DIAPH2: variants seen among roughly 807,000 people sequenced by gnomAD.
The protein encoded by DIAPH2 is protein diaphanous homolog 2.
DIAPH2 carries 35 observed loss-of-function variants against 92.7 expected under a neutral mutation model. That is an observed-to-expected ratio of 0.38 (90% confidence interval 0.29 to 0.50). The LOEUF is 0.50. DIAPH2 is among the 20% of genes least tolerant of loss of function. The pLI is 0.94. For missense variants in DIAPH2, 701 were observed against 819.5 expected, an observed-to-expected ratio of 0.86 and a Z score of 1.77; for synonymous variants, 301 against 280.4, an observed-to-expected ratio of 1.07 and a Z score of -0.73.
At chrX:97,023,444 A>G (rs1171731016) in intron 17 of DIAPH2, among the ~76,000 whole-genome samples, 2 of 111,639 alleles carry the variant, frequency 1.8e-5, no homozygotes, top group Non-Finnish European at 3.8e-5. Flanking sequence ...ACTAATTCTA[A>G]CAGTAACCCA....
chrX:96,739,600 C>T (rs2064107236), intron 3 of DIAPH2, among the ~76,000 whole-genome samples: 1 of 111,788 alleles, frequency 8.9e-6, no homozygotes, highest in South Asian at 3.8e-4. Flanking sequence ...CTGCTACCCT[C>T]ATGTTTATTT....
intron 16 of DIAPH2, among the ~76,000 whole-genome samples, chrX:96,962,292 TATATATACATATATATATAC>T (rs1170956363): frequency 2.2e-4 from 13 of 59,535 alleles, no homozygotes; most frequent in African/African-American, 7.1e-4. Flanking sequence ...TATACATATA[TATATATACATATATATATAC>T]ATATATATAT....
At chrX:97,116,423 T>C (rs929479779) in intron 21 of DIAPH2, among the ~76,000 whole-genome samples, 1 of 112,062 alleles carries the variant, frequency 8.9e-6, no homozygotes, top group African/African-American at 3.2e-5. Context: ...TGTAAAATCA[T>C]TTCATAATGC....
At chrX:96,962,863 G>T (rs983739818) in intron 16 of DIAPH2, among the ~76,000 whole-genome samples, 2 of 110,556 alleles carry the variant, frequency 1.8e-5, no homozygotes, top group African/African-American at 6.6e-5. Context: ...GTTTATCCAT[G>T]TGGTTTAGTA....
chrX:97,267,684 C>T (rs994262544), intron 23 of DIAPH2, among the ~76,000 whole-genome samples: 3 of 111,885 alleles, frequency 2.7e-5, no homozygotes, highest in Admixed American at 9.5e-5. Context: ...TAAGGACTTG[C>T]TTTCACTAAG....
At chrX:96,711,030 A>G (rs1023474904) in intron 1 of DIAPH2, among the ~76,000 whole-genome samples, 3 of 112,006 alleles carry the variant, frequency 2.7e-5, no homozygotes, top group Non-Finnish European at 3.8e-5. Context: ...ATTCCTTTTT[A>G]TGGCTGAGTA....
intron 26 of DIAPH2, among the ~76,000 whole-genome samples, chrX:97,487,408 G>A (rs1280063347): frequency 1.8e-5 from 2 of 111,160 alleles, no homozygotes; most frequent in African/African-American, 6.6e-5. Flanking sequence ...CTGAGTAGCT[G>A]GGATTACAGG....
intron 26 of DIAPH2, among the ~76,000 whole-genome samples, chrX:97,523,228 T>A (rs766118024): frequency 2.7e-5 from 3 of 111,744 alleles, no homozygotes; most frequent in African/African-American, 9.7e-5. Context: ...TGCATCTCCA[T>A]ACCTCCCTCC....
intron 21 of DIAPH2, among the ~76,000 whole-genome samples, chrX:97,120,218 C>T (rs777654359): frequency 2.7e-5 from 3 of 110,972 alleles, no homozygotes; most frequent in African/African-American, 9.8e-5. Flanking sequence ...CAGGGCCTTT[C>T]CTGCTGCTTC....
At chrX:97,406,817 G>A (rs2069815016) in intron 25 of DIAPH2, among the ~76,000 whole-genome samples, 1 of 111,496 alleles carries the variant, frequency 9.0e-6, no homozygotes, top group Non-Finnish European at 1.9e-5. Context: ...GTTTAGGTGA[G>A]CAACTCATAA....
chrX:96,685,743 A>C (rs2063767695), intron 1 of DIAPH2, among the ~76,000 whole-genome samples: 1 of 111,638 alleles, frequency 9.0e-6, no homozygotes, highest in East Asian at 2.8e-4. Context: ...GCCTCTCTCC[A>C]TGTGCTCTCC....
rs1329507732 is a variant in DIAPH2, at chrX:97,202,489, CAAAAAAA to C, written c.2720-45225_2720-45219del. Among the ~76,000 whole-genome samples the C allele has an allele frequency of 2.5e-4, 27 of 110,026 alleles. 1 individual carries two copies. Among genetic ancestry groups the C allele is most frequent in the African/African-American group, 8.6e-4 (26 of 30,267 alleles). ...GAGTATTTACCAAGTAAATGGAAAGCAAAAAAATAAAAAATAAAAAATAAATAGCAGG... is the reference window on the plus strand; with the variant it reads ...GAGTATTTACCAAGTAAATGGAAAGCTAAAAAATAAAAAATAAATAGCAGG... On this transcript the variant is annotated intron_variant, in intron 22 of 26. Coordinates refer to ENST00000324765, the MANE Select transcript of DIAPH2 (RefSeq NM_006729.5).
At chrX:97,227,690 AT>A (rs1261467215) in intron 22 of DIAPH2, among the ~76,000 whole-genome samples, 5 of 112,187 alleles carry the variant, frequency 4.5e-5, no homozygotes, top group African/African-American at 1.6e-4. Flanking sequence ...CATAAGTCTT[AT>A]AAAGTCAGAG....
At position 97,335,266 on chromosome X, in the gene DIAPH2, C is replaced by T. The variant is rs371518589; in HGVS notation, c.2845-12850C>T. ...TAAACATTAGTTTCTGCTACTGAGG[C>T]TCTGCTGTTACTTATCGTCTCCTAA... is the stretch of plus-strand genomic sequence containing the variant. On this transcript the variant is annotated intron_variant, in intron 23 of 26. Transcript: ENST00000324765. Among the ~76,000 whole-genome samples the T allele has an allele frequency of 7.2e-5, 8 of 111,750 alleles. No individual in the cohort carries two copies. In the East Asian group the frequency reaches 2.2e-3, roughly 31 times the overall value.
intron 23 of DIAPH2, among the ~76,000 whole-genome samples, chrX:97,278,932 G>A (rs1164284162): frequency 4.5e-5 from 5 of 112,331 alleles, no homozygotes; most frequent in Admixed American, 9.5e-5. Context: ...AGCTTACTGC[G>A]TGCCTTTAAC....
intron 17 of DIAPH2, among the ~76,000 whole-genome samples, chrX:97,061,578 G>A (rs1210366492): frequency 9.1e-6 from 1 of 110,452 alleles, no homozygotes; most frequent in Non-Finnish European, 1.9e-5. Context: ...GGAGGCTGAG[G>A]CAGGTGGATC....
chrX:97,066,189 C>G (rs901861940), intron 17 of DIAPH2, among the ~76,000 whole-genome samples: 1 of 112,281 alleles, frequency 8.9e-6, no homozygotes, highest in South Asian at 3.7e-4. Flanking sequence ...CACTTACTCA[C>G]TGACTCACCC....
intron 4 of DIAPH2, among the ~76,000 whole-genome samples, chrX:96,859,648 TA>T (rs2065061114): frequency 1.0e-4 from 11 of 108,254 alleles, no homozygotes; most frequent in Admixed American, 8.0e-4. Flanking sequence ...TTTATTTATT[TA>T]TTTATTTTTT....
In DIAPH2 at chrX:97,488,245, G is replaced by A. The variant is rs990306113; in HGVS notation, c.3241+58500G>A. Reference sequence around the variant, plus strand: ...CAACCTCAGGTGATCTGCCTGCCTCGGCCTCCCAAAGTGCTGAAATTACAG... The same window carrying A: ...CAACCTCAGGTGATCTGCCTGCCTCAGCCTCCCAAAGTGCTGAAATTACAG... On this transcript the variant is annotated intron_variant, in intron 26 of 26. Transcript: ENST00000324765. 2.5e-4 allele frequency among the ~76,000 whole-genome samples: 28 copies of A among 111,754 alleles called. 1 individual carries two copies. The highest frequency in any genetic ancestry group is 3.8e-5 in the Non-Finnish European group (2 of 53,136).
Sources: allele counts gnomAD v4.1 joint callset (sites outside exome capture counted in the v4.1 genomes callset), GRCh38; gene constraint gnomAD v4.1.1; transcripts MANE v1.5; gene names NCBI Gene and HGNC (gene_info 2026-07-23, HGNC 2026-07-21).